CDH13: variants seen among roughly 807,000 people sequenced by gnomAD.
CDH13 encodes cadherin-13.
Under a neutral mutation model 63.8 loss-of-function variants are expected in CDH13, and 24 were observed. The ratio of observed to expected loss-of-function variants is 0.38; its 90% CI spans 0.27 to 0.53. The LOEUF (loss-of-function observed/expected upper bound fraction) is 0.53. Ranked by LOEUF, CDH13 falls within the 20% of genes least tolerant of loss-of-function variation. CDH13 has a pLI of 0.85. For synonymous variants in CDH13, 503 were observed against 355.3 expected, an observed-to-expected ratio of 1.42 and a Z score of -4.67; for missense variants, 1,049 against 903.1, an observed-to-expected ratio of 1.16 and a Z score of -2.07.
At chr16:82,858,511 T>C in intron 2 of CDH13, 38 bp downstream of exon 2, 1 of 1,211,680 alleles carries the variant, frequency 8.3e-7, no homozygotes, top group Non-Finnish European at 1.2e-6. Context: ...TAGACTCTTC[T>C]CATATTTGAA....
intron 3 of CDH13, among the ~76,000 whole-genome samples, chr16:83,049,325 C>CT (rs34082309): frequency 0.58 from 72,948 of 125,550 alleles, 22,170 homozygotes; most frequent in East Asian, 0.81. Flanking sequence ...TGACTGGCCT[C>CT]TTTTTTTTTT....
At chr16:83,234,110 C>A (rs536300620) in intron 5 of CDH13, among the ~76,000 whole-genome samples, 2 of 152,330 alleles carry the variant, frequency 1.3e-5, no homozygotes, top group Non-Finnish European at 2.9e-5. Context: ...TCTGGATGAA[C>A]CCCCAGGGGC....
At chr16:83,234,577 G>A (rs1000850962) in intron 5 of CDH13, among the ~76,000 whole-genome samples, 6 of 152,172 alleles carry the variant, frequency 3.9e-5, no homozygotes, top group African/African-American at 7.2e-5. Context: ...ACTGAGCACC[G>A]CTGGGGTTCA....
intron 3 of CDH13, among the ~76,000 whole-genome samples, chr16:83,033,847 C>A (rs187892428): frequency 6.6e-6 from 1 of 152,118 alleles, no homozygotes; most frequent in South Asian, 2.1e-4. Context: ...GATGGCATGC[C>A]CCTGCTTGGC....
chr16:82,959,698 C>G (rs938316055), intron 2 of CDH13, among the ~76,000 whole-genome samples: 1 of 152,170 alleles, frequency 6.6e-6, no homozygotes, highest in African/African-American at 2.4e-5. Context: ...CAAATTCCAC[C>G]TGCATAGGTT....
intron 2 of CDH13, among the ~76,000 whole-genome samples, chr16:82,978,049 G>A (rs994605350): frequency 6.6e-6 from 1 of 152,118 alleles, no homozygotes; most frequent in African/African-American, 2.4e-5. Context: ...CACAGGGACT[G>A]GTGGCATTTT....
chr16:83,452,811 C>G (rs554079167), intron 6 of CDH13, among the ~76,000 whole-genome samples: 1 of 152,250 alleles, frequency 6.6e-6, no homozygotes, highest in East Asian at 1.9e-4. Flanking sequence ...TGAAGTGATA[C>G]TGGAGGTGGG....
At chr16:83,063,502 T>C (rs1416287124) in intron 3 of CDH13, among the ~76,000 whole-genome samples, 2 of 152,206 alleles carry the variant, frequency 1.3e-5, no homozygotes, top group Non-Finnish European at 2.9e-5. Flanking sequence ...GACATTGTTA[T>C]GATAAACCCA....
intron 7 of CDH13, among the ~76,000 whole-genome samples, chr16:83,553,547 T>G (rs1704282346): frequency 6.6e-6 from 1 of 152,170 alleles, no homozygotes; most frequent in Non-Finnish European, 1.5e-5. Context: ...AGTGATGGGT[T>G]TTTTTTGTTG....
At chr16:83,329,980 A>G (rs1427743889) in intron 5 of CDH13, among the ~76,000 whole-genome samples, 1 of 152,208 alleles carries the variant, frequency 6.6e-6, no homozygotes, top group Non-Finnish European at 1.5e-5. Flanking sequence ...TAGTGCTGCT[A>G]TGGACATGAG....
chr16:82,972,758 C>G (rs182591826), intron 2 of CDH13, among the ~76,000 whole-genome samples: 1 of 151,838 alleles, frequency 6.6e-6, no homozygotes, highest in African/African-American at 2.4e-5. Context: ...GTTGTCAAAG[C>G]AAGAATCAGC....
At chr16:83,496,676 G>T (rs547744457) in intron 7 of CDH13, among the ~76,000 whole-genome samples, 65 of 152,214 alleles carry the variant, frequency 4.3e-4, no homozygotes, top group Middle Eastern at 3.4e-3. Context: ...CTAATTAAAC[G>T]AAAGAGCTTC....
intron 4 of CDH13, among the ~76,000 whole-genome samples, chr16:83,181,791 GTGTGTGTGTA>G (rs1368268143): frequency 6.6e-6 from 1 of 152,088 alleles, no homozygotes; most frequent in Non-Finnish European, 1.5e-5. Flanking sequence ...GTGTGTGCAT[GTGTGTGTGTA>G]TGTGTGTGTA....
At chr16:82,787,135 A>C (rs928072953) in intron 1 of CDH13, among the ~76,000 whole-genome samples, 1 of 152,136 alleles carries the variant, frequency 6.6e-6, no homozygotes, top group African/African-American at 2.4e-5. Context: ...ATTATGTAAG[A>C]CTGTTTTCCA....
chr16:82,755,044 A>G (rs949650301), intron 1 of CDH13, among the ~76,000 whole-genome samples: 22 of 152,226 alleles, frequency 1.4e-4, no homozygotes, highest in African/African-American at 5.1e-4. Flanking sequence ...GATGTGTTTT[A>G]TGTGTGCGTA....
At chr16:82,728,445 A>ATT (rs35197709) in intron 1 of CDH13, among the ~76,000 whole-genome samples, 207 of 151,606 alleles carry the variant, frequency 1.4e-3, no homozygotes, top group Non-Finnish European at 2.2e-3. Flanking sequence ...GAGGCATACA[A>ATT]TTTTTTTTTT....
chr16:83,783,359 A>C lies in CDH13; in HGVS notation c.2021A>C (p.Asp674Ala), dbSNP rs1323377251. ...SGKPPMTNIT[D>A]LRVQVCSCRN... Reference sequence around the variant, plus strand: ...AAACCACCCATGACGAATATCACAGATCTCAGGGTACAAGTGTGCTCCTGC... The same window carrying C: ...AAACCACCCATGACGAATATCACAGCTCTCAGGGTACAAGTGTGCTCCTGC... Residue 674 changes from aspartate to alanine, a missense_variant, in exon 13 of 14, where the codon GAT (aspartate) becomes GCT (alanine). Coordinates refer to ENST00000567109, the MANE Select transcript of CDH13 (RefSeq NM_001257.5). 6.2e-7 allele frequency: 1 copy of C among 1,613,854 alleles called. No individual in the cohort carries two copies. Among genetic ancestry groups the C allele is most frequent in the Non-Finnish European group, 8.5e-7 (1 of 1,179,864 alleles).
At position 82,644,824 on chromosome 16, in the gene CDH13, T is replaced by C. The variant is rs375766260; in HGVS notation, c.45+17687T>C. Among the ~76,000 whole-genome samples the C allele has an allele frequency of 6.6e-6, 1 of 152,184 alleles. No homozygotes were observed. The highest frequency in any genetic ancestry group is 1.5e-5 in the Non-Finnish European group (1 of 68,038). ...AAGTGTCTGATTCAGTCCTCCCTGG[T>C]CAGTTTTCCAGCATAGCGTTTTGCA... On this transcript the variant is annotated intron_variant, in intron 1 of 13. Coordinates refer to ENST00000567109, the MANE Select transcript of CDH13 (RefSeq NM_001257.5). This position sits in a 1 kb window ranked among gnomAD's most constrained non-coding sequence, Gnocchi z 5.7.
chr16:82,688,053 C>G (rs1438310288), intron 1 of CDH13, among the ~76,000 whole-genome samples: 1 of 152,182 alleles, frequency 6.6e-6, no homozygotes, highest in African/African-American at 2.4e-5. Flanking sequence ...GGTTCAAGTG[C>G]AGAAATGACA....
Sources: allele counts gnomAD v4.1 joint callset (sites outside exome capture counted in the v4.1 genomes callset), GRCh38; gene constraint gnomAD v4.1.1; non-coding constraint Gnocchi (gnomAD v3.1); transcripts MANE v1.5; gene names NCBI Gene and HGNC (gene_info 2026-07-23, HGNC 2026-07-21).